Variants in ARHGAP10 observed in about 807,000 individuals in gnomAD.
ARHGAP10 encodes the protein Rho GTPase activating protein 10.
Under a neutral mutation model 108.6 loss-of-function variants are expected in ARHGAP10, and 87 were observed. The ratio of observed to expected loss-of-function variants is 0.80; its 90% CI spans 0.67 to 0.96. The LOEUF is 0.96. Ranked by LOEUF, ARHGAP10 falls within the 40% of genes least tolerant of loss-of-function variation. ARHGAP10 has a pLI of 0.00. For missense variants in ARHGAP10, 939 were observed against 954.5 expected (o/e 0.98, Z 0.21); for synonymous variants, 347 against 341.1 (o/e 1.02, Z -0.19).
At chr4:147,871,707 A>T (rs1231910546) in intron 7 of ARHGAP10, among the ~76,000 whole-genome samples, 7 of 152,370 alleles carry the variant, frequency 4.6e-5, no homozygotes, top group South Asian at 2.1e-4. Flanking sequence ...AGATGCCTTC[A>T]TATGTACTTG....
chr4:147,901,952 T>C (rs1346328624), intron 10 of ARHGAP10, among the ~76,000 whole-genome samples: 1 of 152,234 alleles, frequency 6.6e-6, no homozygotes, highest in Non-Finnish European at 1.5e-5. Flanking sequence ...GGAATTTCCT[T>C]AGGCTCATGG....
At chr4:147,838,132 A>G (rs1297457682) in intron 3 of ARHGAP10, among the ~76,000 whole-genome samples, 1 of 152,184 alleles carries the variant, frequency 6.6e-6, no homozygotes, top group Non-Finnish European at 1.5e-5. Flanking sequence ...CTTTGAGATT[A>G]GTATATTCAT....
chr4:147,893,143 C>CT (rs1165182890), intron 10 of ARHGAP10, among the ~76,000 whole-genome samples: 9 of 152,088 alleles, frequency 5.9e-5, no homozygotes, highest in African/African-American at 2.2e-4. Flanking sequence ...ACTGCAACCT[C>CT]TGCCTCCTGG....
At chr4:147,933,250 C>G (rs575785274) in intron 13 of ARHGAP10, among the ~76,000 whole-genome samples, 1 of 152,126 alleles carries the variant, frequency 6.6e-6, no homozygotes, top group South Asian at 2.1e-4. Context: ...CAAGGTTTTG[C>G]TATGTTGCCC....
chr4:147,977,475 G>T (rs1371447980), intron 18 of ARHGAP10, among the ~76,000 whole-genome samples: 1 of 152,102 alleles, frequency 6.6e-6, no homozygotes, highest in South Asian at 2.1e-4. Flanking sequence ...AAAATTGGGA[G>T]CAATAATAAT....
At chr4:147,732,488 G>T (rs760989249) in intron 1 of ARHGAP10, 33 bp downstream of exon 1, 1 of 1,605,484 alleles carries the variant, frequency 6.2e-7, no homozygotes, top group Non-Finnish European at 8.5e-7. Context: ...ACGGGCTGCG[G>T]CGTGGCGAGG....
intron 17 of ARHGAP10, among the ~76,000 whole-genome samples, chr4:147,965,900 C>A (rs1739185458): frequency 6.6e-6 from 1 of 152,106 alleles, no homozygotes; most frequent in African/African-American, 2.4e-5. Context: ...TGATAAATAG[C>A]AAAAACACAA....
intron 18 of ARHGAP10, among the ~76,000 whole-genome samples, chr4:147,967,221 G>T (rs1371614179): frequency 6.6e-6 from 1 of 152,210 alleles, no homozygotes; most frequent in Non-Finnish European, 1.5e-5. Context: ...CAACTTACAA[G>T]AGAAAATAAG....
chr4:148,003,600 A>G (rs1169119919), intron 18 of ARHGAP10, among the ~76,000 whole-genome samples: 2 of 152,144 alleles, frequency 1.3e-5, no homozygotes, highest in African/African-American at 4.8e-5. Context: ...GTGCTCCTGT[A>G]TTGGGTGCAT....
chr4:147,929,180 A>G (rs1737575251), intron 13 of ARHGAP10, among the ~76,000 whole-genome samples: 1 of 152,176 alleles, frequency 6.6e-6, no homozygotes, highest in African/African-American at 2.4e-5. Context: ...GTACAGCTCT[A>G]CTTTATCTGC....
At position 147,911,958 on chromosome 4, in the gene ARHGAP10, G is replaced by A. The variant is rs1174664238; in HGVS notation, c.1163-1116G>A. 3.5e-5 allele frequency among the ~76,000 whole-genome samples: 5 copies of A among 142,130 alleles called. No individual in the cohort carries two copies. In the Admixed American group the frequency reaches 3.5e-4, roughly 10 times the overall value. 93.2% of individuals were successfully genotyped at this position (142,130 alleles called of 152,430 possible). ...CTAGGTTTTTTTTTTTTAAAGGATTGTGTTCTTAGATTCTCAAGTAATTTA... is the reference window on the plus strand; with the variant it reads ...CTAGGTTTTTTTTTTTTAAAGGATTATGTTCTTAGATTCTCAAGTAATTTA... On this transcript the variant is annotated intron_variant, in intron 12 of 22. Coordinates refer to ENST00000336498, the MANE Select transcript of ARHGAP10 (RefSeq NM_024605.4).
chr4:147,993,374 A>G (rs748058970), intron 18 of ARHGAP10, among the ~76,000 whole-genome samples: 1 of 152,224 alleles, frequency 6.6e-6, no homozygotes, highest in Admixed American at 6.5e-5. Context: ...GGAGTTCATT[A>G]TATTATTCTT....
intron 22 of ARHGAP10, 35 bp from the exon 23 acceptor site, chr4:148,071,958 C>A: frequency 6.3e-7 from 1 of 1,590,624 alleles, no homozygotes; most frequent in Non-Finnish European, 8.6e-7. Context: ...TACTTGGGGG[C>A]ATTTTGTAAA....
intron 18 of ARHGAP10, among the ~76,000 whole-genome samples, chr4:147,992,416 A>C (rs1478611912): frequency 6.6e-6 from 1 of 152,052 alleles, no homozygotes; most frequent in Non-Finnish European, 1.5e-5. Flanking sequence ...TTTTAAATTT[A>C]ATTTTTTTTG....
intron 1 of ARHGAP10, among the ~76,000 whole-genome samples, chr4:147,745,829 G>A (rs1290542505): frequency 3.7e-5 from 5 of 134,440 alleles, no homozygotes; most frequent in South Asian, 2.4e-4. Flanking sequence ...CTGTTGTTGC[G>A]TAGGCTGGGT....
chr4:147,732,276 C>A lies in ARHGAP10; in HGVS notation c.-26C>A. ...GCTCGGGCAGGAGCGCGCGGCCGTG[C>A]GCACCGCGCAGCGACCGCTGCCGTC... On this transcript the variant is annotated 5_prime_UTR_variant, in exon 1 of 23. Transcript: ENST00000336498. 2 of 1,566,820 alleles carry A rather than the reference C, an allele frequency of 1.3e-6. No homozygotes were observed. The highest frequency in any genetic ancestry group is 1.7e-6 in the Non-Finnish European group (2 of 1,162,084).
chr4:147,874,015 T>C (rs1404329880), intron 7 of ARHGAP10, among the ~76,000 whole-genome samples: 1 of 151,936 alleles, frequency 6.6e-6, no homozygotes, highest in Non-Finnish European at 1.5e-5. Flanking sequence ...TCGCAGCTCT[T>C]AGTTTGTGTT....
rs1455574410 is a variant in ARHGAP10 at position 148,064,522 on chromosome 4, G to A, written c.2272+15G>A. On this transcript the variant is annotated intron_variant, in intron 22 of 22. Transcript: ENST00000336498. The stretch of plus-strand genomic sequence containing the variant: ...TTTTGAGGATGGTAAGTGTTAGTGG[G>A]AGCTTCGTCTGTTAATCCTGTCCGC... 3.1e-6 allele frequency: 5 copies of A among 1,607,896 alleles called. No homozygotes were observed. The Admixed American group carries it at 5.0e-5, about 16-fold the overall frequency.
intron 18 of ARHGAP10, among the ~76,000 whole-genome samples, chr4:148,006,528 A>C (rs907503585): frequency 2.6e-5 from 4 of 152,234 alleles, no homozygotes; most frequent in Non-Finnish European, 5.9e-5. Flanking sequence ...GTGGTCTGCC[A>C]CTGTGGAGCA....
Sources: gnomAD v4.1 joint callset for allele counts (sites outside exome capture counted in the v4.1 genomes callset) on GRCh38, gnomAD v4.1.1 for gene constraint, MANE v1.5 for transcripts, NCBI Gene and HGNC (gene_info 2026-07-23, HGNC 2026-07-21) for gene names.